Variants in BMAL2 observed in about 807,000 individuals in gnomAD.
BMAL2 encodes the protein basic helix-loop-helix ARNT like 2.
At chr12:27,345,703 A>G in the BMAL2 span, among the ~76,000 whole-genome samples, 1 of 151,972 alleles carries the variant, frequency 6.6e-6, no homozygotes, top group African/African-American at 2.4e-5. Context: ...GGATTTTGTC[A>G]TGTTGCCCAG....
the BMAL2 span, among the ~76,000 whole-genome samples, chr12:27,369,030 C>T: frequency 1.3e-5 from 2 of 152,336 alleles, no homozygotes; most frequent in Non-Finnish European, 2.9e-5. Context: ...GTACTAGCTA[C>T]GCAGGCGGCT....
chr12:27,336,597 AC>A, the BMAL2 span, among the ~76,000 whole-genome samples: 2 of 152,182 alleles, frequency 1.3e-5, no homozygotes, highest in Admixed American at 6.5e-5. Flanking sequence ...CATACTGTTT[AC>A]ATTGTATCAC....
the BMAL2 span, chr12:27,389,153 T>A: frequency 7.0e-7 from 1 of 1,435,542 alleles, no homozygotes; most frequent in East Asian, 2.3e-5. Context: ...GTACTGATTT[T>A]AAATGAATGT....
chr12:27,369,372 A>T, the BMAL2 span, among the ~76,000 whole-genome samples: 2 of 152,076 alleles, frequency 1.3e-5, no homozygotes, highest in Non-Finnish European at 2.9e-5. Context: ...GTTCTTCCCA[A>T]TACACTTTAT....
At chr12:27,343,065 G>A in the BMAL2 span, among the ~76,000 whole-genome samples, 12 of 152,108 alleles carry the variant, frequency 7.9e-5, 1 homozygote, top group South Asian at 4.1e-4. Flanking sequence ...ATTTTCTTTC[G>A]CTGTTTCTCT....
the BMAL2 span, chr12:27,425,063 C>T: frequency 6.6e-6 from 1 of 152,156 alleles, no homozygotes; most frequent in Non-Finnish European, 1.5e-5. Flanking sequence ...ACGGAACATG[C>T]TTTCTGAACT....
At chr12:27,398,893 T>C in the BMAL2 span, among the ~76,000 whole-genome samples, 2 of 152,240 alleles carry the variant, frequency 1.3e-5, no homozygotes, top group African/African-American at 4.8e-5. Flanking sequence ...GCCATCTAGC[T>C]TTGTTAAATG....
chr12:27,406,236 C>A, the BMAL2 span, among the ~76,000 whole-genome samples: 19 of 152,244 alleles, frequency 1.2e-4, no homozygotes, highest in Middle Eastern at 3.4e-3. Context: ...TCAGGAAATA[C>A]AGAGAACGCC....
the BMAL2 span, among the ~76,000 whole-genome samples, chr12:27,407,982 T>G: frequency 2.6e-5 from 4 of 152,120 alleles, no homozygotes; most frequent in Non-Finnish European, 5.9e-5. Context: ...GCAAATAAAC[T>G]AGAAAATCTA....
chr12:27,334,355 T>C, the BMAL2 span, among the ~76,000 whole-genome samples: 1 of 152,206 alleles, frequency 6.6e-6, no homozygotes, highest in Non-Finnish European at 1.5e-5. Flanking sequence ...GTCTGCCTTA[T>C]AGGATTGTTA....
the BMAL2 span, among the ~76,000 whole-genome samples, chr12:27,362,903 A>G: frequency 1.3e-5 from 2 of 152,066 alleles, no homozygotes; most frequent in Non-Finnish European, 2.9e-5. Context: ...TCCTGGACTC[A>G]GGCAATCCTC....
the BMAL2 span, among the ~76,000 whole-genome samples, chr12:27,420,017 G>GCGCA: frequency 2.6e-4 from 8 of 30,394 alleles, no homozygotes; most frequent in Non-Finnish European, 4.1e-4. Context: ...GGGTTTGCGC[G>GCGCA]TGCACACACA....
At chr12:27,390,002 A>G in the BMAL2 span, 8 of 1,479,298 alleles carry the variant, frequency 5.4e-6, no homozygotes, top group African/African-American at 4.2e-5. Context: ...TCCTTTCTCA[A>G]TAATAGATGG....
At chr12:27,389,470 T>G in the BMAL2 span, among the ~76,000 whole-genome samples, 1 of 152,196 alleles carries the variant, frequency 6.6e-6, no homozygotes, top group African/African-American at 2.4e-5. Flanking sequence ...AATTCCTATA[T>G]TCATACAGAC....
At chr12:27,358,240 TAGAC>T in the BMAL2 span, among the ~76,000 whole-genome samples, 4 of 152,064 alleles carry the variant, frequency 2.6e-5, no homozygotes, top group Non-Finnish European at 5.9e-5. Flanking sequence ...AGGACATTAA[TAGAC>T]AGTTCTCAAA....
At chr12:27,372,373 C>T in the BMAL2 span, among the ~76,000 whole-genome samples, 2 of 152,076 alleles carry the variant, frequency 1.3e-5, no homozygotes, top group Admixed American at 6.5e-5. Flanking sequence ...AATAATATTC[C>T]ACTGTGTGTA....
the BMAL2 span, among the ~76,000 whole-genome samples, chr12:27,376,849 A>G: frequency 6.6e-6 from 1 of 151,740 alleles, no homozygotes; most frequent in South Asian, 2.1e-4. Context: ...AAATACAAAA[A>G]ATTAGCCGGG....
the BMAL2 span, chr12:27,333,215 G>A: frequency 9.5e-7 from 1 of 1,057,052 alleles, no homozygotes; most frequent in Non-Finnish European, 1.2e-6. Flanking sequence ...GGAAGCGCCC[G>A]CGCCTGTCCT....
At chr12:27,420,579 A>AT in the BMAL2 span, 1 of 1,511,806 alleles carries the variant, frequency 6.6e-7, no homozygotes, top group South Asian at 1.4e-5. Context: ...AAAGCATTTC[A>AT]TTTACGAAAA....
Sources: allele counts gnomAD v4.1 joint callset (sites outside exome capture counted in the v4.1 genomes callset), GRCh38; gene constraint gnomAD v4.1.1; transcripts MANE v1.5; gene names NCBI Gene and HGNC (gene_info 2026-07-23, HGNC 2026-07-21).